The following VPS41 variants were observed in gnomAD, a reference collection of about 807,000 sequenced individuals.
VPS41 encodes the protein vacuolar protein sorting-associated protein 41 homolog.
In VPS41, 85 loss-of-function variants were observed where a neutral mutation model predicts 130.9. That is an observed-to-expected ratio of 0.65 (90% CI 0.55 to 0.78). The LOEUF is 0.78. VPS41 is among the 30% of genes least tolerant of loss of function. The pLI is 0.00. For missense variants in VPS41, 874 were observed against 1,018.7 expected (o/e 0.86, Z 1.93); for synonymous variants, 335 against 332.9 (o/e 1.01, Z -0.07).
chr7:38,766,112 T>C (rs1253606905), intron 15 of VPS41, among the ~76,000 whole-genome samples: 3 of 152,220 alleles, frequency 2.0e-5, no homozygotes, highest in South Asian at 2.1e-4. Flanking sequence ...TATCCTACTA[T>C]ATAACCTGGA....
chr7:38,841,150 A>C (rs1785599915), intron 4 of VPS41, among the ~76,000 whole-genome samples: 1 of 152,236 alleles, frequency 6.6e-6, no homozygotes, highest in Non-Finnish European at 1.5e-5. Flanking sequence ...CAAAATAAAA[A>C]AGAAAGAATT....
intron 6 of VPS41, among the ~76,000 whole-genome samples, chr7:38,820,946 C>CGTGT (rs559571561): frequency 1.8e-4 from 27 of 150,242 alleles, no homozygotes; most frequent in South Asian, 4.2e-4. Context: ...TGTGTGCGTG[C>CGTGT]GTGTGTGTGT....
At chr7:38,789,934 T>C (rs1307662837) in intron 9 of VPS41, 67 bp from the exon 10 acceptor site, 9 of 1,529,752 alleles carry the variant, frequency 5.9e-6, no homozygotes, top group Non-Finnish European at 8.1e-6. Flanking sequence ...TTTTATTCAG[T>C]ATATGGTATC....
chr7:38,856,671 G>A (rs1008828622), intron 4 of VPS41, among the ~76,000 whole-genome samples: 14 of 152,044 alleles, frequency 9.2e-5, no homozygotes, highest in African/African-American at 2.4e-4. Context: ...CCTCCAAGAC[G>A]TTAAATAGGA....
At chr7:38,828,933 C>A (rs964386393) in intron 5 of VPS41, among the ~76,000 whole-genome samples, 1 of 152,076 alleles carries the variant, frequency 6.6e-6, no homozygotes, top group Admixed American at 6.5e-5. Context: ...AGTAAAAATT[C>A]GTTTCCAATT....
intron 7 of VPS41, among the ~76,000 whole-genome samples, chr7:38,798,415 C>T (rs964716917): frequency 1.3e-5 from 2 of 152,200 alleles, no homozygotes; most frequent in Admixed American, 6.5e-5. Context: ...GCTTCAGCCT[C>T]CCAAGTAGCT....
chr7:38,739,195 C>T (rs1253202380), intron 25 of VPS41, among the ~76,000 whole-genome samples: 1 of 152,138 alleles, frequency 6.6e-6, no homozygotes, highest in African/African-American at 2.4e-5. Context: ...CCATAGATCC[C>T]TACATTACTG....
At chr7:38,801,155 G>A (rs1245811798) in intron 7 of VPS41, among the ~76,000 whole-genome samples, 2 of 152,180 alleles carry the variant, frequency 1.3e-5, no homozygotes, top group Admixed American at 6.5e-5. Context: ...GAGGGGAGGA[G>A]GCAAAGGAAG....
In VPS41 at chr7:38,756,768, T is replaced by TATCTA. The variant is rs1211179422; in HGVS notation, c.1695+69_1695+70insTAGAT. 3.5e-6 allele frequency: 4 copies of TATCTA among 1,153,702 alleles called. No individual in the cohort carries two copies. The African/African-American group carries it at 6.3e-5, about 18-fold the overall frequency. The allele number at this position is 1,153,702 out of a possible 1,614,324, so 71.5% of individuals were successfully genotyped here. ...TTCATTCACCAATCCAGCATTTGGA[T>TATCTA]AGATATCTAAGTATTAAATATTTGG... On this transcript the variant is annotated intron_variant, in intron 19 of 28. Coordinates refer to ENST00000310301, the MANE Select transcript of VPS41 (RefSeq NM_014396.4).
At chr7:38,841,287 T>G (rs759345528) in intron 4 of VPS41, among the ~76,000 whole-genome samples, 12 of 152,340 alleles carry the variant, frequency 7.9e-5, no homozygotes, top group Admixed American at 2.6e-4. Context: ...TACACATGAC[T>G]CACTATTCTC....
rs540266713 is a variant in VPS41, at chr7:38,809,245, G to A, written c.450+8572C>T. The stretch of plus-strand genomic sequence containing the variant: ...GACGCCTGTAATCCTAGCACTTTGG[G>A]AGGCCGAGGCAGGCGGATCACGAGG... On this transcript the variant is annotated intron_variant, in intron 7 of 28. Coordinates refer to ENST00000310301, the MANE Select transcript of VPS41 (RefSeq NM_014396.4). Among the ~76,000 whole-genome samples, 845 of 151,330 alleles carry A rather than the reference G, an allele frequency of 5.6e-3. 11 individuals are homozygous for A. The highest frequency in any genetic ancestry group is 0.019 in the African/African-American group (801 of 41,322).
At chr7:38,796,470 A>G (rs770959440) in intron 8 of VPS41, 5 of 543,052 alleles carry the variant, frequency 9.2e-6, no homozygotes, top group South Asian at 7.6e-5. Flanking sequence ...CAGTCCTTCA[A>G]TTATTAAGAT....
At chr7:38,890,947 C>T (rs751943709) in intron 2 of VPS41, among the ~76,000 whole-genome samples, 8 of 152,078 alleles carry the variant, frequency 5.3e-5, no homozygotes, top group Non-Finnish European at 1.2e-4. Flanking sequence ...TGACCTCCCA[C>T]CTCTGTGTTA....
intron 21 of VPS41, among the ~76,000 whole-genome samples, chr7:38,754,198 A>C (rs1472861262): frequency 6.6e-6 from 1 of 151,858 alleles, no homozygotes; most frequent in Non-Finnish European, 1.5e-5. Flanking sequence ...AAGAAATGAG[A>C]CTCTGCCCTT....
At chr7:38,766,728 C>T (rs73368205) in intron 15 of VPS41, among the ~76,000 whole-genome samples, 33,561 of 152,018 alleles carry the variant, frequency 0.22, 4,272 homozygotes, top group East Asian at 0.43. Context: ...TTAGTTCTCA[C>T]GAGCTCTGAT....
chr7:38,901,212 T>C (rs1037125141), intron 1 of VPS41, among the ~76,000 whole-genome samples: 5 of 152,064 alleles, frequency 3.3e-5, no homozygotes, highest in African/African-American at 1.2e-4. Flanking sequence ...GAGGATGTAG[T>C]GGGGAGTTAC....
intron 5 of VPS41, among the ~76,000 whole-genome samples, chr7:38,825,225 T>G (rs1161361832): frequency 2.0e-5 from 3 of 152,194 alleles, no homozygotes; most frequent in African/African-American, 7.2e-5. Flanking sequence ...TTACTATGTT[T>G]AACTGAGCAA....
intron 7 of VPS41, among the ~76,000 whole-genome samples, chr7:38,799,053 A>G (rs2116001031): frequency 6.6e-6 from 1 of 152,174 alleles, no homozygotes; most frequent in Middle Eastern, 3.4e-3. Context: ...ACTCTGAAAC[A>G]CAAAGGGTTG....
chr7:38,763,082 G>C (rs1383114859), intron 17 of VPS41, among the ~76,000 whole-genome samples: 1 of 152,092 alleles, frequency 6.6e-6, no homozygotes, highest in Non-Finnish European at 1.5e-5. Flanking sequence ...TTCAGCATTT[G>C]TAAAGGAAGT....
Sources: gnomAD v4.1 joint callset for allele counts (sites outside exome capture counted in the v4.1 genomes callset) on GRCh38, gnomAD v4.1.1 for gene constraint, MANE v1.5 for transcripts, NCBI Gene and HGNC (gene_info 2026-07-23, HGNC 2026-07-21) for gene names.